Variants in PCDH7 observed in about 807,000 individuals in gnomAD.
PCDH7 encodes protocadherin 7, also known as protocadherin-7.
PCDH7 carries 17 observed loss-of-function variants against 58.9 expected under a neutral mutation model. The observed-to-expected ratio is 0.29, with a 90% CI of 0.20 to 0.43. The LOEUF (loss-of-function observed/expected upper bound fraction) is 0.43, where lower values mean the gene tolerates loss of function less well. PCDH7 is among the 20% of genes least tolerant of loss of function. The pLI, the probability that PCDH7 is intolerant of heterozygous loss-of-function variation, is 1.00. For synonymous variants in PCDH7, 664 were observed against 616.4 expected (o/e 1.08, Z -1.14); for missense variants, 1,274 against 1,441.0 (o/e 0.88, Z 1.88).
chr4:30,888,754 G>C (rs145527569), intron 1 of PCDH7, among the ~76,000 whole-genome samples: 183 of 152,272 alleles, frequency 1.2e-3, no homozygotes, highest in African/African-American at 4.2e-3. Context: ...GGACTGGAGA[G>C]TGGTTTGACA....
At chr4:30,840,212 GA>G (rs1046103924) in intron 1 of PCDH7, among the ~76,000 whole-genome samples, 6 of 151,524 alleles carry the variant, frequency 4.0e-5, no homozygotes, top group African/African-American at 9.7e-5. Context: ...TCAGGTAGGA[GA>G]AAAAAAAGAC....
chr4:30,894,137 G>T (rs1157197413), intron 1 of PCDH7, among the ~76,000 whole-genome samples: 1 of 151,998 alleles, frequency 6.6e-6, no homozygotes, highest in Non-Finnish European at 1.5e-5. Context: ...CTTGTATTCT[G>T]AAGGATTATC....
intron 1 of PCDH7, among the ~76,000 whole-genome samples, chr4:30,872,150 T>C (rs1735697451): frequency 6.6e-6 from 1 of 152,146 alleles, no homozygotes; most frequent in Admixed American, 6.6e-5. Context: ...TCCTCTGTTT[T>C]GTTTTTTAAG....
chr4:30,723,322 G>A lies in PCDH7; in HGVS notation c.1900G>A (p.Asp634Asn). The stretch of plus-strand genomic sequence containing the variant: ...GATTGTGCAGGTGGCTGATAAAAAT[G>A]ACAATGACCCTAAGTTTATGCAGGA... The change falls in exon 1 of 2, where the codon GAC becomes AAC. Residue 634 changes from aspartate to asparagine, a missense_variant. Transcript: ENST00000361762. The surrounding 1 kb of genome is among the most constrained non-coding windows in gnomAD (Gnocchi z 4.6). The A allele has an allele frequency of 6.2e-7, 1 of 1,614,222 alleles. No individual in the cohort carries two copies. The highest frequency in any genetic ancestry group is 8.5e-7 in the Non-Finnish European group (1 of 1,180,040).
rs143163095 is a variant in PCDH7, at chr4:30,932,227, C to T, written c.287+11858C>T. Among the ~76,000 whole-genome samples, 11 of 152,256 alleles carry T rather than the reference C, an allele frequency of 7.2e-5. No individual in the cohort carries two copies. In the East Asian group the frequency reaches 1.7e-3, roughly 24 times the overall value. On this transcript the variant is annotated intron_variant, in intron 2 of 3. Coordinates refer to the PCDH7 transcript ENST00000509759. ...AAATTCAAATTGTATAGTAAAAGGA[C>T]TAATTCCAGTCCATTTGATGTTTGC...
Position 30,721,209 on chromosome 4 carries a change from A to T in PCDH7, c.-214A>T. 1.8e-6 allele frequency: 1 copy of T among 541,516 alleles called. No individual in the cohort carries two copies. Among genetic ancestry groups the T allele is most frequent in the East Asian group, 3.1e-5 (1 of 32,036 alleles). 33.5% of individuals were successfully genotyped at this position (541,516 alleles called of 1,614,324 possible). A position where few individuals can be genotyped will look rare whatever the true frequency, so the allele number is the denominator to read the frequency against. On this transcript the variant is annotated 5_prime_UTR_variant, in exon 1 of 2. Transcript: ENST00000361762. The surrounding 1 kb of genome is among the most constrained non-coding windows in gnomAD (Gnocchi z 6.7). ...TGAAACAATAACTTTCGGAAGAAGC[A>T]GGAGGAAAAAAAGAAGCATCTATCG... is the stretch of plus-strand genomic sequence containing the variant.
At chr4:31,139,284 CTATTT>C (rs1404799096) in intron 3 of PCDH7, among the ~76,000 whole-genome samples, 1 of 152,148 alleles carries the variant, frequency 6.6e-6, no homozygotes, top group Non-Finnish European at 1.5e-5. Flanking sequence ...ACAGAGAATA[CTATTT>C]TATTTTCCTG....
At chr4:30,822,176 C>T (rs1728462006) in intron 1 of PCDH7, among the ~76,000 whole-genome samples, 1 of 152,112 alleles carries the variant, frequency 6.6e-6, no homozygotes, top group African/African-American at 2.4e-5. Context: ...CATGAGAGTG[C>T]CCTCCCATCC....
intron 3 of PCDH7, among the ~76,000 whole-genome samples, chr4:31,110,653 C>T (rs1716169491): frequency 6.6e-6 from 1 of 152,080 alleles, no homozygotes; most frequent in South Asian, 2.1e-4. Flanking sequence ...CGGTGGCTCA[C>T]GCCTGTAATC....
intron 1 of PCDH7, among the ~76,000 whole-genome samples, chr4:30,838,821 A>G (rs1403485954): frequency 6.6e-6 from 1 of 152,132 alleles, no homozygotes; most frequent in African/African-American, 2.4e-5. Flanking sequence ...AGCATCCAAG[A>G]CTATACCCTC....
At chr4:30,800,349 G>A (rs1425620112) in intron 1 of PCDH7, among the ~76,000 whole-genome samples, 1 of 151,556 alleles carries the variant, frequency 6.6e-6, no homozygotes, top group Non-Finnish European at 1.5e-5. Context: ...TTTGCAATAT[G>A]GATTTTTCTT....
chr4:30,975,100 A>C (rs1317192936), intron 3 of PCDH7, among the ~76,000 whole-genome samples: 2 of 151,520 alleles, frequency 1.3e-5, no homozygotes, highest in African/African-American at 4.9e-5. Flanking sequence ...AGACAAAGCA[A>C]TATGTTACAA....
At chr4:30,745,331 T>C (rs1577631163) in intron 1 of PCDH7, among the ~76,000 whole-genome samples, 1 of 152,180 alleles carries the variant, frequency 6.6e-6, no homozygotes, top group Admixed American at 6.5e-5. Context: ...TTTTTTCTTT[T>C]ACAATTTCTA....
intron 3 of PCDH7, among the ~76,000 whole-genome samples, chr4:31,097,338 C>A (rs1241199665): frequency 1.3e-5 from 2 of 151,402 alleles, no homozygotes; most frequent in Non-Finnish European, 2.9e-5. Context: ...CCTGTAATCC[C>A]AGCTACTTGG....
At chr4:30,894,965 A>G (rs1271704226) in intron 1 of PCDH7, among the ~76,000 whole-genome samples, 1 of 151,932 alleles carries the variant, frequency 6.6e-6, no homozygotes, top group Non-Finnish European at 1.5e-5. Flanking sequence ...GTGCTAAATC[A>G]ATTATACTTA....
chr4:31,107,174 A>G (rs935465610), intron 3 of PCDH7, among the ~76,000 whole-genome samples: 24 of 152,196 alleles, frequency 1.6e-4, no homozygotes, highest in African/African-American at 5.8e-4. Context: ...ATCTGATAAA[A>G]TTACCCACGA....
At chr4:30,916,962 G>T (rs1389166097) in intron 1 of PCDH7, among the ~76,000 whole-genome samples, 1 of 152,074 alleles carries the variant, frequency 6.6e-6, no homozygotes, top group African/African-American at 2.4e-5. Context: ...TCACATCTAG[G>T]TTGAAGAATT....
rs2109222961 is a variant in PCDH7 at position 30,721,323 on chromosome 4, G to A, written c.-100G>A. On this transcript the variant is annotated 5_prime_UTR_variant, in exon 1 of 2. Coordinates refer to ENST00000361762, the Ensembl canonical transcript of PCDH7. This position sits in a 1 kb window ranked among gnomAD's most constrained non-coding sequence, Gnocchi z 6.7. ...CTCTCGCTCCTTCCTTTCCGGGAGA[G>A]GGGAGAGGACTCGGGGGAGGGCAGG... 1.7e-6 allele frequency: 2 copies of A among 1,177,186 alleles called. No individual in the cohort carries two copies. The highest frequency in any genetic ancestry group is 2.3e-6 in the Non-Finnish European group (2 of 871,012). The allele number at this position is 1,177,186 out of a possible 1,614,324, so 72.9% of individuals were successfully genotyped here.
chr4:30,983,139 T>C (rs965837923), intron 3 of PCDH7, among the ~76,000 whole-genome samples: 2 of 152,308 alleles, frequency 1.3e-5, no homozygotes, highest in East Asian at 3.9e-4. Context: ...TGCTTCCACC[T>C]AAGACCATGT....
Sources: gnomAD v4.1 joint callset for allele counts (sites outside exome capture counted in the v4.1 genomes callset) on GRCh38, gnomAD v4.1.1 for gene constraint, Gnocchi (gnomAD v3.1) non-coding constraint, MANE v1.5 for transcripts, NCBI Gene and HGNC (gene_info 2026-07-23, HGNC 2026-07-21) for gene names.